The following DPP10 variants were observed in gnomAD, a reference collection of about 807,000 sequenced individuals.
DPP10 encodes the protein inactive dipeptidyl peptidase 10.
A neutral mutation model predicts 120.9 loss-of-function variants in DPP10; 33 were observed. The observed-to-expected ratio is 0.27, with a 90% CI of 0.21 to 0.37. The LOEUF is 0.37. Among genes scored for constraint, DPP10 ranks in the 10% least tolerant of loss-of-function variants. DPP10 has a pLI of 1.00. For synonymous variants in DPP10, 337 were observed against 326.1 expected (o/e 1.03, Z -0.36); for missense variants, 816 against 942.8 (o/e 0.87, Z 1.76).
At chr2:115,667,993 C>G (rs974237564) in intron 5 of DPP10, among the ~76,000 whole-genome samples, 85 of 151,884 alleles carry the variant, frequency 5.6e-4, no homozygotes, top group African/African-American at 2.0e-3. Flanking sequence ...ATATATGTGT[C>G]ATATATAAGC....
intron 1 of DPP10, among the ~76,000 whole-genome samples, chr2:114,478,247 A>G (rs1479176754): frequency 6.6e-6 from 1 of 152,226 alleles, no homozygotes; most frequent in African/African-American, 2.4e-5. Context: ...TATTCCAGGT[A>G]TGAAAAGCTG....
intron 1 of DPP10, among the ~76,000 whole-genome samples, chr2:114,831,902 AAAGT>A (rs1443569256): frequency 6.7e-6 from 1 of 148,864 alleles, no homozygotes; most frequent in African/African-American, 2.4e-5. Context: ...ACCAAGGCAA[AAAGT>A]AAGAGGTTGA....
intron 1 of DPP10, among the ~76,000 whole-genome samples, chr2:115,011,346 T>C (rs145285577): frequency 3.3e-5 from 5 of 152,336 alleles, no homozygotes; most frequent in African/African-American, 1.2e-4. Context: ...TTTCTCTCTG[T>C]CCTGTCAGTC....
intron 12 of DPP10, among the ~76,000 whole-genome samples, chr2:115,765,956 G>A (rs184222066): frequency 6.6e-6 from 1 of 152,102 alleles, no homozygotes; most frequent in Admixed American, 6.6e-5. Context: ...ACTGTCAAGA[G>A]ATGTATTGTG....
At chr2:114,913,313 C>T (rs760067576) in intron 1 of DPP10, among the ~76,000 whole-genome samples, 3 of 152,134 alleles carry the variant, frequency 2.0e-5, no homozygotes, top group Non-Finnish European at 4.4e-5. Flanking sequence ...TCACCTACCA[C>T]CCCCGCACTG....
intron 5 of DPP10, among the ~76,000 whole-genome samples, chr2:115,575,301 A>G (rs1343532881): frequency 6.6e-6 from 1 of 152,232 alleles, no homozygotes; most frequent in Non-Finnish European, 1.5e-5. Context: ...GATAAAATAT[A>G]TCTTTAAATA....
At chr2:114,978,873 T>C (rs557223784) in intron 1 of DPP10, among the ~76,000 whole-genome samples, 12 of 152,162 alleles carry the variant, frequency 7.9e-5, no homozygotes, top group African/African-American at 2.9e-4. Flanking sequence ...AATATAAGAA[T>C]TATAGTTATT....
At chr2:115,625,476 A>G (rs897119941) in intron 5 of DPP10, among the ~76,000 whole-genome samples, 2 of 152,156 alleles carry the variant, frequency 1.3e-5, no homozygotes, top group East Asian at 3.9e-4. Flanking sequence ...TGTTAGTTTC[A>G]GTGGAGCTAC....
At chr2:114,866,249 C>T (rs936036263) in intron 1 of DPP10, among the ~76,000 whole-genome samples, 3 of 151,770 alleles carry the variant, frequency 2.0e-5, no homozygotes, top group Non-Finnish European at 2.9e-5. Flanking sequence ...TCTTTGGAGG[C>T]ATATGGTAGC....
At chr2:115,533,983 A>AAAGAAGT (rs2078633467) in intron 5 of DPP10, among the ~76,000 whole-genome samples, 1 of 152,116 alleles carries the variant, frequency 6.6e-6, no homozygotes, top group Non-Finnish European at 1.5e-5. Context: ...AAAAGGAAGG[A>AAAGAAGT]AAGAAGTAAA....
In DPP10 at chr2:114,727,206, T is replaced by C. The variant is rs1384993509; in HGVS notation, c.60+284368T>C. On this transcript the variant is annotated intron_variant, in intron 1 of 25. Transcript: ENST00000410059. ...GGGAACACTGATTAAGCAGGAATTC[T>C]GGGAGCAGGCGATGGCTGGCAGAGT... Among the ~76,000 whole-genome samples the C allele has an allele frequency of 2.6e-5, 4 of 152,294 alleles. No homozygotes were observed. The East Asian group carries it at 7.7e-4, about 29-fold the overall frequency.
chr2:115,481,568 A>G (rs2105271748), intron 3 of DPP10, among the ~76,000 whole-genome samples: 1 of 152,214 alleles, frequency 6.6e-6, no homozygotes, highest in Middle Eastern at 3.4e-3. Context: ...GGATGAAATG[A>G]AGTCGTTGGA....
At chr2:114,739,384 A>G (rs1174863467) in intron 1 of DPP10, among the ~76,000 whole-genome samples, 2 of 152,086 alleles carry the variant, frequency 1.3e-5, no homozygotes, top group East Asian at 3.9e-4. Flanking sequence ...ATGTTCTTGG[A>G]ACGGTGGCTC....
intron 1 of DPP10, among the ~76,000 whole-genome samples, chr2:115,046,504 A>G (rs1225664404): frequency 1.3e-5 from 2 of 152,176 alleles, no homozygotes; most frequent in Non-Finnish European, 2.9e-5. Context: ...TATTACATCC[A>G]ATTAGTCCTA....
chr2:114,645,201 G>C (rs1696025427), intron 1 of DPP10, among the ~76,000 whole-genome samples: 3 of 152,122 alleles, frequency 2.0e-5, no homozygotes. Context: ...TTATTCCAAA[G>C]TGCTTTTGGC....
intron 5 of DPP10, among the ~76,000 whole-genome samples, chr2:115,664,659 T>C (rs1165386933): frequency 1.3e-5 from 2 of 152,234 alleles, no homozygotes; most frequent in Non-Finnish European, 2.9e-5. Context: ...ATTTAGCTGC[T>C]GAGCTCACCA....
intron 1 of DPP10, among the ~76,000 whole-genome samples, chr2:115,074,901 T>C (rs952724982): frequency 3.9e-5 from 6 of 152,158 alleles, no homozygotes; most frequent in Non-Finnish European, 8.8e-5. Context: ...GTCAATAAAA[T>C]TGGCAGGATT....
chr2:115,327,156 A>G (rs755674964), intron 2 of DPP10, among the ~76,000 whole-genome samples: 3 of 152,004 alleles, frequency 2.0e-5, no homozygotes, highest in Non-Finnish European at 4.4e-5. Flanking sequence ...ATTGCCTGTG[A>G]TTTTCAGTGC....
chr2:115,383,427 C>A (rs1008683702), intron 3 of DPP10, among the ~76,000 whole-genome samples: 2 of 152,160 alleles, frequency 1.3e-5, no homozygotes, highest in Non-Finnish European at 2.9e-5. Flanking sequence ...ATGCATTAAA[C>A]CTCTTACTTT....
Sources: allele counts gnomAD v4.1 joint callset (sites outside exome capture counted in the v4.1 genomes callset), GRCh38; gene constraint gnomAD v4.1.1; transcripts MANE v1.5; gene names NCBI Gene and HGNC (gene_info 2026-07-23, HGNC 2026-07-21).